The following COL19A1 variants were observed in gnomAD, a reference collection of about 807,000 sequenced individuals.
The protein encoded by COL19A1 is collagen alpha-1(XIX) chain.
In COL19A1, 159 loss-of-function variants were observed where a neutral mutation model predicts 190.2. The ratio of observed to expected loss-of-function variants is 0.84; its 90% confidence interval spans 0.73 to 0.95. The LOEUF (loss-of-function observed/expected upper bound fraction) is 0.95. Ranked by LOEUF, COL19A1 falls within the 40% of genes least tolerant of loss-of-function variation. The pLI is 0.00. For missense variants in COL19A1, 1,418 were observed against 1,431.9 expected (o/e 0.99, Z 0.16); for synonymous variants, 509 against 458.9 (o/e 1.11, Z -1.39).
At chr6:70,024,388 T>C (rs1021997071) in intron 12 of COL19A1, among the ~76,000 whole-genome samples, 2 of 152,208 alleles carry the variant, frequency 1.3e-5, no homozygotes, top group Non-Finnish European at 2.9e-5. Flanking sequence ...CTCGGCTTCC[T>C]TTTCTCACTT....
At chr6:70,149,486 T>A (rs1208665079) in intron 27 of COL19A1, among the ~76,000 whole-genome samples, 1 of 152,146 alleles carries the variant, frequency 6.6e-6, no homozygotes, top group Non-Finnish European at 1.5e-5. Flanking sequence ...CCCAAGTCCC[T>A]GAGCAAAATC....
At chr6:70,156,797 A>C in intron 34 of COL19A1, 74 bp downstream of exon 34, 1 of 1,187,218 alleles carries the variant, frequency 8.4e-7, no homozygotes, top group Non-Finnish European at 1.2e-6. Context: ...TAAAAATGTT[A>C]ATTTTTCTAT....
At chr6:69,963,139 G>A (rs1774898871) in intron 11 of COL19A1, among the ~76,000 whole-genome samples, 1 of 152,004 alleles carries the variant, frequency 6.6e-6, no homozygotes, top group Non-Finnish European at 1.5e-5. Context: ...CATTTATAAA[G>A]CATTATATTT....
intron 41 of COL19A1, among the ~76,000 whole-genome samples, chr6:70,175,693 T>A (rs1165012316): frequency 1.3e-5 from 2 of 152,124 alleles, no homozygotes; most frequent in African/African-American, 4.8e-5. Flanking sequence ...TCTTTTAATT[T>A]TTTTATCCTC....
At chr6:70,017,597 C>T (rs1778188503) in intron 11 of COL19A1, among the ~76,000 whole-genome samples, 1 of 152,018 alleles carries the variant, frequency 6.6e-6, no homozygotes, top group South Asian at 2.1e-4. Flanking sequence ...GTAGAGAAAA[C>T]ATCTAGGGAA....
intron 15 of COL19A1, among the ~76,000 whole-genome samples, chr6:70,074,955 G>A (rs1024451691): frequency 1.7e-4 from 26 of 148,594 alleles, no homozygotes; most frequent in African/African-American, 6.8e-4. Flanking sequence ...TAGAAAAAAA[G>A]CATCTTTTTT....
chr6:69,944,842 A>G (rs1245224480), intron 9 of COL19A1, among the ~76,000 whole-genome samples: 1 of 152,032 alleles, frequency 6.6e-6, no homozygotes, highest in African/African-American at 2.4e-5. Context: ...AGAACACCTA[A>G]TCAAGCGATT....
intron 15 of COL19A1, among the ~76,000 whole-genome samples, chr6:70,088,341 A>T (rs1411474529): frequency 6.6e-6 from 1 of 152,100 alleles, no homozygotes; most frequent in Non-Finnish European, 1.5e-5. Context: ...GATTCACTTA[A>T]TTAATAAATG....
chr6:69,964,648 T>C (rs533202544), intron 11 of COL19A1, among the ~76,000 whole-genome samples: 18 of 152,296 alleles, frequency 1.2e-4, no homozygotes, highest in Admixed American at 5.9e-4. Flanking sequence ...TGGTTCCACA[T>C]ATCTATTAAC....
chr6:70,137,783 T>C, intron 19 of COL19A1, 36 bp downstream of exon 19: 1 of 1,599,594 alleles, frequency 6.3e-7, no homozygotes, highest in Non-Finnish European at 8.6e-7. Flanking sequence ...AGGAAGAATA[T>C]CTAAAAAACG....
At chr6:69,890,624 A>T (rs887923195) in intron 2 of COL19A1, 1 of 152,254 alleles carries the variant, frequency 6.6e-6, no homozygotes, top group Non-Finnish European at 1.5e-5. Flanking sequence ...ATAATTTTTT[A>T]GTATAAGTAT....
intron 11 of COL19A1, among the ~76,000 whole-genome samples, chr6:69,990,340 A>G (rs1293412479): frequency 6.6e-6 from 1 of 152,124 alleles, no homozygotes; most frequent in Non-Finnish European, 1.5e-5. Flanking sequence ...TTATTTCATT[A>G]TAACACTTAA....
chr6:70,119,345 C>T (rs16868570), intron 16 of COL19A1, among the ~76,000 whole-genome samples: 2,475 of 152,286 alleles, frequency 0.016, 67 homozygotes, highest in African/African-American at 0.054. Flanking sequence ...CTCAACTACA[C>T]GGTATGACTA....
At chr6:70,078,870 C>G (rs1782059253) in intron 15 of COL19A1, among the ~76,000 whole-genome samples, 1 of 152,092 alleles carries the variant, frequency 6.6e-6, no homozygotes, top group African/African-American at 2.4e-5. Flanking sequence ...AGTTCGATAC[C>G]AGCCTGGCCA....
intron 2 of COL19A1, among the ~76,000 whole-genome samples, chr6:69,892,046 A>G (rs1399562057): frequency 6.6e-6 from 1 of 152,202 alleles, no homozygotes; most frequent in Non-Finnish European, 1.5e-5. Context: ...AAGGGAGGGG[A>G]AAGGATGTCT....
chr6:69,932,852 T>C lies in COL19A1; in HGVS notation c.736T>C (p.Ser246Pro). Reference sequence around the variant, plus strand: ...AGCTCAAGAAACATGTTGTGAAATATCAGATACTAAGGTAAGTTAATTTTC... The same window carrying C: ...AGCTCAAGAAACATGTTGTGAAATACCAGATACTAAGGTAAGTTAATTTTC... Reference protein sequence around the residue: ...LIAQETCCEISDTKCPEQDGF... With the variant: ...LIAQETCCEIPDTKCPEQDGF... The change falls in exon 7 of 51, where the codon TCA becomes CCA. Residue 246 changes from serine (S) to proline (P), a missense_variant. By Grantham distance (74) the Ser-to-Pro change is moderately conservative (BLOSUM62 -1). Transcript: ENST00000620364. The C allele has an allele frequency of 1.2e-6, 2 of 1,601,426 alleles. No individual in the cohort carries two copies. Among genetic ancestry groups the C allele is most frequent in the Non-Finnish European group, 1.7e-6 (2 of 1,170,850 alleles).
chr6:70,021,979 C>T (rs1289748027), intron 11 of COL19A1, among the ~76,000 whole-genome samples: 2 of 151,978 alleles, frequency 1.3e-5, no homozygotes, highest in Non-Finnish European at 2.9e-5. Flanking sequence ...ATATTGTATG[C>T]GTTTCTTATG....
At chr6:70,002,476 G>A (rs1405014352) in intron 11 of COL19A1, among the ~76,000 whole-genome samples, 14 of 150,978 alleles carry the variant, frequency 9.3e-5, no homozygotes, top group African/African-American at 2.7e-4. Context: ...CTGTGAATCC[G>A]TCTGGTCCTG....
intron 11 of COL19A1, among the ~76,000 whole-genome samples, chr6:69,972,484 G>T (rs981064466): frequency 6.6e-6 from 1 of 152,120 alleles, no homozygotes; most frequent in African/African-American, 2.4e-5. Context: ...TTACTGTGGG[G>T]AAGTATTATA....
Sources: allele counts gnomAD v4.1 joint callset (sites outside exome capture counted in the v4.1 genomes callset), GRCh38; gene constraint gnomAD v4.1.1; transcripts MANE v1.5; gene names NCBI Gene and HGNC (gene_info 2026-07-23, HGNC 2026-07-21).